Variants in CHD6 observed in about 807,000 individuals in gnomAD.
The protein encoded by CHD6 is chromodomain helicase DNA binding protein 6, also known as ATP-dependent chromatin remodeler CHD6.
Under a neutral mutation model 276.9 loss-of-function variants are expected in CHD6, and 50 were observed. The observed-to-expected ratio is 0.18, with a 90% CI of 0.14 to 0.23. The LOEUF (loss-of-function observed/expected upper bound fraction) is 0.23, where lower values mean the gene tolerates loss of function less well. Ranked by LOEUF, CHD6 falls within the 10% of genes least tolerant of loss-of-function variation. The pLI, the probability that CHD6 is intolerant of heterozygous loss-of-function variation, is 1.00. For synonymous variants in CHD6, 1,173 were observed against 1,229.3 expected (o/e 0.95, Z 0.96); for missense variants, 2,564 against 3,365.8 (o/e 0.76, Z 5.89).
At chr20:41,465,799 A>C (rs17192814) in intron 17 of CHD6, among the ~76,000 whole-genome samples, 5,799 of 152,330 alleles carry the variant, frequency 0.038, 130 homozygotes, top group Middle Eastern at 0.054. Context: ...TTAATAATGA[A>C]GTAAAATGCT....
intron 1 of CHD6, among the ~76,000 whole-genome samples, chr20:41,563,271 G>T (rs1282144887): frequency 6.6e-6 from 1 of 152,176 alleles, no homozygotes. Flanking sequence ...GAACCTTCCT[G>T]TGGGCCAGCT....
chr20:41,517,583 G>C (rs916806797), intron 3 of CHD6, among the ~76,000 whole-genome samples: 1 of 152,218 alleles, frequency 6.6e-6, no homozygotes, highest in Non-Finnish European at 1.5e-5. Flanking sequence ...TATCAGTTCA[G>C]AAGAGGAGAC....
In CHD6 at chr20:41,473,921, T is replaced by G. The variant is rs762408693; in HGVS notation, c.2469-404A>C. Among the ~76,000 whole-genome samples, 3 of 152,170 alleles carry G rather than the reference T, an allele frequency of 2.0e-5. No individual in the cohort carries two copies. Among genetic ancestry groups the G allele is most frequent in the Non-Finnish European group, 2.9e-5 (2 of 68,024 alleles). On this transcript the variant is annotated intron_variant, in intron 16 of 36. Coordinates refer to ENST00000373233, the MANE Select transcript of CHD6 (RefSeq NM_032221.5). This position sits in a 1 kb window ranked among gnomAD's most constrained non-coding sequence, Gnocchi z 4.1. ...AAAAGCCTTTCCCATCTACTTTGAG[T>G]AGTGCTCACAAAAAGGACTCAGAGT... is the stretch of plus-strand genomic sequence containing the variant.
intron 31 of CHD6, among the ~76,000 whole-genome samples, chr20:41,419,936 T>G (rs974526071): frequency 6.6e-6 from 1 of 152,224 alleles, no homozygotes; most frequent in Non-Finnish European, 1.5e-5. Flanking sequence ...CCCTATAGGA[T>G]CAGATCTATT....
chr20:41,618,367 T>C lies in CHD6; in HGVS notation c.-51A>G, dbSNP rs958104673. 1.3e-5 allele frequency: 2 copies of C among 152,024 alleles called. No homozygotes were observed. Among genetic ancestry groups the C allele is most frequent in the Non-Finnish European group, 2.9e-5 (2 of 68,034 alleles). 9.4% of individuals were successfully genotyped at this position (152,024 alleles called of 1,614,324 possible). On this transcript the variant is annotated 5_prime_UTR_variant, in exon 1 of 37. Coordinates refer to ENST00000373233, the MANE Select transcript of CHD6 (RefSeq NM_032221.5). Reference sequence around the variant, plus strand: ...AAAATGGCTCCTGCAGCAGCCAAAATACAAACAGCTATTATTTGGTGAAGT... The same window carrying C: ...AAAATGGCTCCTGCAGCAGCCAAAACACAAACAGCTATTATTTGGTGAAGT...
chr20:41,500,220 A>C (rs891468096), intron 5 of CHD6, among the ~76,000 whole-genome samples: 2 of 152,184 alleles, frequency 1.3e-5, no homozygotes, highest in African/African-American at 4.8e-5. Flanking sequence ...TGAAACTGCC[A>C]AATTCGGTAT....
At position 41,421,082 on chromosome 20, in the gene CHD6, T is replaced by A; in HGVS notation, c.5553A>T (p.Lys1851Asn). Residue 1851 changes from lysine to asparagine, a missense_variant, in exon 31 of 37, where the codon AAA becomes AAT. Transcript: ENST00000373233. Reference protein sequence around the residue: ...DQQLIDLLENKSLESKLILSQ... With the variant: ...DQQLIDLLENNSLESKLILSQ... ...TCAAAATCAATTTACTTTCTAAGCTTTTGTTTTCCAATAAATCAATTAATT... is the reference window on the plus strand; with the variant it reads ...TCAAAATCAATTTACTTTCTAAGCTATTGTTTTCCAATAAATCAATTAATT... 6.2e-7 allele frequency: 1 copy of A among 1,614,174 alleles called. No individual in the cohort carries two copies. The highest frequency in any genetic ancestry group is 8.5e-7 in the Non-Finnish European group (1 of 1,180,034).
intron 1 of CHD6, among the ~76,000 whole-genome samples, chr20:41,559,147 GACACACACAC>G (rs58169591): frequency 4.0e-5 from 6 of 148,270 alleles, no homozygotes; most frequent in Admixed American, 2.0e-4. Context: ...GCCTGTTCCT[GACACACACAC>G]ACACACACAC....
chr20:41,436,700 T>C (rs915945911), intron 27 of CHD6, among the ~76,000 whole-genome samples: 1 of 152,164 alleles, frequency 6.6e-6, no homozygotes, highest in Admixed American at 6.5e-5. Context: ...GAACTGTTGA[T>C]ACAGACAACC....
chr20:41,585,536 C>T (rs1483737792), intron 1 of CHD6, among the ~76,000 whole-genome samples: 1 of 139,894 alleles, frequency 7.1e-6, no homozygotes, highest in African/African-American at 2.6e-5. Flanking sequence ...AAAAAAGAAA[C>T]AGAGAATTTG....
At chr20:41,486,524 G>A (rs991432029) in intron 14 of CHD6, among the ~76,000 whole-genome samples, 2 of 152,130 alleles carry the variant, frequency 1.3e-5, no homozygotes, top group Admixed American at 6.6e-5. Context: ...TCAGAAGTAG[G>A]AAGAAAGAGA....
chr20:41,547,006 T>C (rs986601200), intron 2 of CHD6, among the ~76,000 whole-genome samples: 6 of 152,198 alleles, frequency 3.9e-5, no homozygotes, highest in Non-Finnish European at 8.8e-5. Flanking sequence ...CCATCTCAAT[T>C]TACCTTGGTA....
intron 36 of CHD6, among the ~76,000 whole-genome samples, chr20:41,409,255 G>A (rs748212908): frequency 1.4e-4 from 22 of 152,314 alleles, no homozygotes; most frequent in Admixed American, 1.1e-3. Flanking sequence ...TCCCAGCAGC[G>A]CGGCGACCAC....
chr20:41,411,683 G>A (rs753281665), intron 36 of CHD6, among the ~76,000 whole-genome samples: 2 of 152,162 alleles, frequency 1.3e-5, no homozygotes, highest in South Asian at 4.1e-4. Flanking sequence ...GTGTCATGAT[G>A]CTATAATAGG....
chr20:41,559,173 CACACAA>C (rs2045274204), intron 1 of CHD6, among the ~76,000 whole-genome samples: 1 of 141,840 alleles, frequency 7.1e-6, no homozygotes, highest in Admixed American at 7.1e-5. Context: ...CACACACACA[CACACAA>C]AGTAAACTTT....
At chr20:41,486,724 C>G (rs6072386) in intron 14 of CHD6, among the ~76,000 whole-genome samples, 58,166 of 152,026 alleles carry the variant, frequency 0.38, 13,927 homozygotes, top group African/African-American at 0.66. Context: ...TACCTTTCAA[C>G]ATCTTCCCAC....
At chr20:41,498,283 A>C in intron 6 of CHD6, 57 bp from the exon 7 acceptor site, 1 of 1,241,622 alleles carries the variant, frequency 8.1e-7, no homozygotes, top group Non-Finnish European at 1.2e-6. Flanking sequence ...ACCCTTACTG[A>C]GCCAAAAGAA....
In CHD6 at chr20:41,452,927, C is replaced by T. The variant is rs750488452; in HGVS notation, c.3136G>A (p.Asp1046Asn). ...GTCTGCTTTCTCACGCGAGGTCGGTCGATCACTAAGCTTTCCTAGAAATGG... is the reference window on the plus strand; with the variant it reads ...GTCTGCTTTCTCACGCGAGGTCGGTTGATCACTAAGCTTTCCTAGAAATGG... ...AKNEKESLVI[D>N]RPRVRKQTKH... is the part of the protein sequence containing the mutation. The change falls in exon 21 of 37, where the codon GAC becomes AAC. Residue 1046 changes from aspartate to asparagine, a missense_variant. Asp to Asn is a conservative substitution (Grantham distance 23). Transcript: ENST00000373233. The surrounding 1 kb of genome is among the most constrained non-coding windows in gnomAD (Gnocchi z 4.2). 21 of 1,613,452 alleles carry T rather than the reference C, an allele frequency of 1.3e-5. No individual in the cohort carries two copies. Among genetic ancestry groups the T allele is most frequent in the Middle Eastern group, 1.6e-4 (1 of 6,080 alleles).
chr20:41,616,049 G>A (rs2045932220), intron 1 of CHD6, among the ~76,000 whole-genome samples: 1 of 152,102 alleles, frequency 6.6e-6, no homozygotes, highest in African/African-American at 2.4e-5. Flanking sequence ...GGTTTTCTTT[G>A]GTATTTGAAA....
Sources: gnomAD v4.1 joint callset for allele counts (sites outside exome capture counted in the v4.1 genomes callset) on GRCh38, gnomAD v4.1.1 for gene constraint, Gnocchi (gnomAD v3.1) non-coding constraint, MANE v1.5 for transcripts, NCBI Gene and HGNC (gene_info 2026-07-23, HGNC 2026-07-21) for gene names.